Variants in DGCR2 observed in about 807,000 individuals in gnomAD.
The protein encoded by DGCR2 is DiGeorge syndrome critical region gene 2.
A neutral mutation model predicts 51.6 loss-of-function variants in DGCR2; 24 were observed. The observed-to-expected ratio is 0.47, with a 90% confidence interval of 0.34 to 0.65. The LOEUF is 0.65. Among genes scored for constraint, DGCR2 ranks in the 30% least tolerant of loss-of-function variants. DGCR2 has a pLI of 0.01. For missense variants in DGCR2, 765 were observed against 772.1 expected (o/e 0.99, Z 0.11); for synonymous variants, 340 against 315.4 (o/e 1.08, Z -0.82).
intron 1 of DGCR2, among the ~76,000 whole-genome samples, chr22:19,109,555 G>A (rs1055374730): frequency 6.6e-6 from 1 of 152,174 alleles, no homozygotes; most frequent in African/African-American, 2.4e-5. Flanking sequence ...TACTTATATG[G>A]AGTATCTAAA....
Position 19,048,430 on chromosome 22 carries a change from A to C in DGCR2, c.1006+10T>G, listed in dbSNP as rs754053203. On this transcript the variant is annotated intron_variant, in intron 7 of 9. Transcript: ENST00000263196. ...GAGGCTGACTTGGGACGTCCTATCAAGAGTCTCACCTGGGTCCAGACACAT... is the reference window on the plus strand; with the variant it reads ...GAGGCTGACTTGGGACGTCCTATCACGAGTCTCACCTGGGTCCAGACACAT... The C allele has an allele frequency of 6.2e-7, 1 of 1,614,066 alleles. No homozygotes were observed. The highest frequency in any genetic ancestry group is 8.5e-7 in the Non-Finnish European group (1 of 1,179,992).
At chr22:19,051,909 G>T (rs1195036297) in intron 6 of DGCR2, among the ~76,000 whole-genome samples, 1 of 152,124 alleles carries the variant, frequency 6.6e-6, no homozygotes, top group African/African-American at 2.4e-5. Flanking sequence ...CCTAACAGAA[G>T]GGCTAAGATG....
intron 9 of DGCR2, among the ~76,000 whole-genome samples, chr22:19,040,821 G>C (rs2082422231): frequency 6.6e-6 from 1 of 152,180 alleles, no homozygotes; most frequent in Non-Finnish European, 1.5e-5. Flanking sequence ...GAGGTAGGAG[G>C]GAGGGGTCCC....
intron 5 of DGCR2, among the ~76,000 whole-genome samples, chr22:19,060,329 A>C (rs368207868): frequency 4.6e-5 from 7 of 152,202 alleles, no homozygotes; most frequent in Admixed American, 1.3e-4. Flanking sequence ...AGAAAGAAGA[A>C]GACGGAGACC....
intron 5 of DGCR2, chr22:19,060,890 T>C (rs549502074): frequency 7.7e-6 from 4 of 516,260 alleles, no homozygotes; most frequent in South Asian, 4.2e-5. Flanking sequence ...TTCAAATGTG[T>C]GTGCAGGGTA....
At chr22:19,092,696 T>C (rs971390333) in intron 1 of DGCR2, among the ~76,000 whole-genome samples, 10 of 152,212 alleles carry the variant, frequency 6.6e-5, no homozygotes, top group African/African-American at 2.4e-4. Flanking sequence ...ATTTAAAAAT[T>C]ACCATTAACA....
chr22:19,116,442 C>T (rs940436762), intron 1 of DGCR2, among the ~76,000 whole-genome samples: 1 of 152,202 alleles, frequency 6.6e-6, no homozygotes, highest in African/African-American at 2.4e-5. Context: ...AACACAAATA[C>T]AGGTGTTACA....
chr22:19,050,955 G>C (rs555287427), intron 6 of DGCR2, among the ~76,000 whole-genome samples: 1 of 152,090 alleles, frequency 6.6e-6, no homozygotes, highest in Non-Finnish European at 1.5e-5. Context: ...TTGTGAGGCC[G>C]AGGTAGGTGG....
intron 1 of DGCR2, among the ~76,000 whole-genome samples, chr22:19,095,594 G>C (rs5993524): frequency 0.41 from 61,648 of 149,606 alleles, 13,115 homozygotes; most frequent in African/African-American, 0.53. Flanking sequence ...CCAGGAAGCA[G>C]AGCTGGCAGT....
intron 6 of DGCR2, among the ~76,000 whole-genome samples, chr22:19,054,203 C>A (rs1601518718): frequency 6.6e-6 from 1 of 151,072 alleles, no homozygotes; most frequent in Non-Finnish European, 1.5e-5. Context: ...AAGAAAGTGT[C>A]CTTGTTCTTA....
chr22:19,100,642 G>A (rs1461672964), intron 1 of DGCR2, among the ~76,000 whole-genome samples: 2 of 148,572 alleles, frequency 1.3e-5, no homozygotes, highest in Non-Finnish European at 3.0e-5. Context: ...CTCCAGCCTG[G>A]GCGACAGAGC....
At chr22:19,075,303 C>T (rs1455756336) in intron 2 of DGCR2, among the ~76,000 whole-genome samples, 5 of 151,926 alleles carry the variant, frequency 3.3e-5, no homozygotes, top group African/African-American at 7.3e-5. Flanking sequence ...GAAAATTAGC[C>T]GGGCGTGGTG....
chr22:19,099,371 G>A (rs2083176156), intron 1 of DGCR2, among the ~76,000 whole-genome samples: 1 of 151,618 alleles, frequency 6.6e-6, no homozygotes, highest in African/African-American at 2.4e-5. Flanking sequence ...CTTAAGCCCA[G>A]GAGTTCGAGA....
intron 1 of DGCR2, among the ~76,000 whole-genome samples, chr22:19,103,516 C>T (rs2083228489): frequency 2.7e-5 from 4 of 145,528 alleles, no homozygotes; most frequent in Admixed American, 6.9e-5. Flanking sequence ...CTGCAAGCTC[C>T]GCCTCCCGGG....
At position 19,110,703 on chromosome 22, in the gene DGCR2, C is replaced by T. The variant is rs145848131; in HGVS notation, c.79+11425G>A. Among the ~76,000 whole-genome samples the T allele has an allele frequency of 4.6e-4, 70 of 152,220 alleles. 1 individual carries two copies. Among genetic ancestry groups the T allele is most frequent in the African/African-American group, 1.6e-3 (67 of 41,534 alleles). ...GATGGAAAAAGAGCCAGAGACTTCT[C>T]TTGAAGCTGTGCAATATCACAGCAT... On this transcript the variant is annotated intron_variant, in intron 1 of 9. Transcript: ENST00000263196.
In DGCR2 at chr22:19,068,104, G is replaced by A; in HGVS notation, c.324C>T (p.Phe108=). The part of the protein sequence containing the change: ...HAVNVAQPVR[F]SSFLGKCPTG... ...CAGGGCAGGTCTGCAACTTACTGCT[G>A]AAGCGAACGGGCTGCGCCACGTTCA... Residue 108 remains phenylalanine, a synonymous_variant, in exon 3 of 10, where the codon TTC becomes TTT. Coordinates refer to ENST00000263196, the MANE Select transcript of DGCR2 (RefSeq NM_005137.3). 1.3e-6 allele frequency: 2 copies of A among 1,581,130 alleles called. No homozygotes were observed. The highest frequency in any genetic ancestry group is 1.7e-6 in the Non-Finnish European group (2 of 1,165,358).
chr22:19,065,170 G>C, intron 3 of DGCR2, 103 bp from the exon 4 acceptor site: 1 of 982,670 alleles, frequency 1.0e-6, no homozygotes. Flanking sequence ...AATCACCCTA[G>C]AGAAGTGGGG....
chr22:19,104,355 T>G (rs1454189713), intron 1 of DGCR2, among the ~76,000 whole-genome samples: 1 of 149,376 alleles, frequency 6.7e-6, no homozygotes, highest in Non-Finnish European at 1.5e-5. Context: ...CAATTTCTCC[T>G]TTGTCAGCAA....
chr22:19,079,574 AG>A (rs1441104253), intron 2 of DGCR2, among the ~76,000 whole-genome samples: 1 of 152,266 alleles, frequency 6.6e-6, no homozygotes, highest in Non-Finnish European at 1.5e-5. Flanking sequence ...ACATGAATAA[AG>A]TAACTGCTAA....
Sources: allele counts gnomAD v4.1 joint callset (sites outside exome capture counted in the v4.1 genomes callset), GRCh38; gene constraint gnomAD v4.1.1; transcripts MANE v1.5; gene names NCBI Gene and HGNC (gene_info 2026-07-23, HGNC 2026-07-21).